The following FOXP1 variants were observed in gnomAD, a reference collection of about 807,000 sequenced individuals.
The protein encoded by FOXP1 is forkhead box protein P1.
In FOXP1, 15 loss-of-function variants were observed where a neutral mutation model predicts 98.2. The observed-to-expected ratio is 0.15, with a 90% confidence interval of 0.10 to 0.24. The LOEUF (loss-of-function observed/expected upper bound fraction) is 0.24. Among genes scored for constraint, FOXP1 ranks in the 10% least tolerant of loss-of-function variants. The pLI, the probability that FOXP1 is intolerant of heterozygous loss-of-function variation, is 1.00. For synonymous variants in FOXP1, 371 were observed against 314.5 expected (o/e 1.18, Z -1.90); for missense variants, 633 against 848.5 (o/e 0.75, Z 3.15).
At chr3:71,544,287 T>C (rs1159952971) in intron 2 of FOXP1, among the ~76,000 whole-genome samples, 1 of 151,304 alleles carries the variant, frequency 6.6e-6, no homozygotes, top group Non-Finnish European at 1.5e-5. Flanking sequence ...TAATAATTTA[T>C]ATCATCTATA....
intron 7 of FOXP1, among the ~76,000 whole-genome samples, chr3:71,073,995 A>C (rs2053541740): frequency 6.6e-6 from 1 of 152,206 alleles, no homozygotes; most frequent in Non-Finnish European, 1.5e-5. Flanking sequence ...ACCAATCACA[A>C]ACTGGGAAGC....
chr3:71,321,460 C>T (rs900317785), intron 4 of FOXP1, among the ~76,000 whole-genome samples: 6 of 152,064 alleles, frequency 3.9e-5, no homozygotes, highest in Non-Finnish European at 8.8e-5. Context: ...CTTCTGGAAA[C>T]GTGAGATGGC....
Position 71,003,596 on chromosome 3 carries a change from T to C in FOXP1, c.975-2537A>G, listed in dbSNP as rs558765689. Among the ~76,000 whole-genome samples the C allele has an allele frequency of 3.9e-5, 6 of 152,242 alleles. 1 individual carries two copies. The South Asian group carries it at 1.2e-3, about 32-fold the overall frequency. On this transcript the variant is annotated intron_variant, in intron 12 of 20. Coordinates refer to ENST00000649528, the MANE Select transcript of FOXP1 (RefSeq NM_001349338.3). ...TATTTTATACTGCAAAGATGTTCCCTTTTTCTGCACATTTATAACTAATCT... is the reference window on the plus strand; with the variant it reads ...TATTTTATACTGCAAAGATGTTCCCCTTTTCTGCACATTTATAACTAATCT...
chr3:71,198,424 GA>G lies in FOXP1; in HGVS notation c.-11-33del, dbSNP rs753851345. 6.5e-5 allele frequency: 32 copies of G among 494,528 alleles called. 3 individuals carry two copies. Among genetic ancestry groups the G allele is most frequent in the Non-Finnish European group, 8.7e-5 (22 of 251,552 alleles). 30.6% of individuals were successfully genotyped at this position (494,528 alleles called of 1,614,324 possible). A position where few individuals can be genotyped will look rare whatever the true frequency, so the allele number is the denominator to read the frequency against. On this transcript the variant is annotated intron_variant, in intron 5 of 20. Transcript: ENST00000649528. Reference sequence around the variant, plus strand: ...CAAGGATTTCCAAGATGGGGGGAGGGAGGGGGGGAGAAAAAAAAAGCAGCTG... The same window carrying G: ...CAAGGATTTCCAAGATGGGGGGAGGGGGGGGGGAGAAAAAAAAAGCAGCTG...
At chr3:71,562,100 G>A (rs1054469787) in intron 2 of FOXP1, among the ~76,000 whole-genome samples, 1 of 152,120 alleles carries the variant, frequency 6.6e-6, no homozygotes, top group African/African-American at 2.4e-5. Context: ...TCTCAGTCTT[G>A]GGCTTCTATC....
chr3:71,518,307 AC>A (rs1173184339), intron 2 of FOXP1, among the ~76,000 whole-genome samples: 4 of 152,192 alleles, frequency 2.6e-5, no homozygotes, highest in African/African-American at 9.7e-5. Flanking sequence ...ACAGAATTCT[AC>A]AGATGAGAAA....
At chr3:71,336,672 T>C (rs1353602908) in intron 4 of FOXP1, among the ~76,000 whole-genome samples, 3 of 152,224 alleles carry the variant, frequency 2.0e-5, no homozygotes, top group African/African-American at 4.8e-5. Context: ...AGCTAGTAAG[T>C]AGAATTAGAA....
chr3:71,018,286 C>G (rs184613382), intron 11 of FOXP1, among the ~76,000 whole-genome samples: 2 of 152,298 alleles, frequency 1.3e-5, no homozygotes, highest in East Asian at 3.9e-4. Context: ...TAACGACACA[C>G]TAGGGCCTTA....
intron 3 of FOXP1, among the ~76,000 whole-genome samples, chr3:71,414,282 A>G (rs1031188434): frequency 9.8e-5 from 15 of 152,316 alleles, no homozygotes; most frequent in African/African-American, 3.4e-4. Context: ...AATCCACCGC[A>G]TCAGGTTCCC....
intron 1 of FOXP1, among the ~76,000 whole-genome samples, chr3:71,583,082 C>A (rs1432769891): frequency 6.6e-6 from 1 of 151,728 alleles, no homozygotes; most frequent in African/African-American, 2.4e-5. Context: ...GCACCGGCCC[C>A]GCGCCCGGGC....
intron 14 of FOXP1, among the ~76,000 whole-genome samples, chr3:70,984,527 A>G (rs2039410976): frequency 6.6e-6 from 1 of 152,144 alleles, no homozygotes; most frequent in Non-Finnish European, 1.5e-5. Context: ...CAGACTCTGA[A>G]CACCTCCATG....
intron 6 of FOXP1, among the ~76,000 whole-genome samples, chr3:71,190,829 T>C (rs1404731555): frequency 6.6e-6 from 1 of 152,122 alleles, no homozygotes; most frequent in African/African-American, 2.4e-5. Context: ...TGTGGCTCTA[T>C]TTTTATGAAT....
At chr3:71,157,190 T>C (rs1023143892) in intron 6 of FOXP1, among the ~76,000 whole-genome samples, 6 of 152,120 alleles carry the variant, frequency 3.9e-5, no homozygotes, top group Non-Finnish European at 7.4e-5. Flanking sequence ...CAAACAGGTA[T>C]AGATTTTCAA....
intron 5 of FOXP1, among the ~76,000 whole-genome samples, chr3:71,265,811 A>G (rs1335593218): frequency 6.6e-6 from 1 of 152,184 alleles, no homozygotes; most frequent in East Asian, 1.9e-4. Context: ...CAATCACCCA[A>G]AGACAAACCT....
At position 71,518,122 on chromosome 3, in the gene FOXP1, G is replaced by GT. The variant is rs201435436; in HGVS notation, c.-297-24568dup. Among the ~76,000 whole-genome samples, 342 of 150,940 alleles carry GT rather than the reference G, an allele frequency of 2.3e-3. 1 individual carries two copies. Among genetic ancestry groups the GT allele is most frequent in the African/African-American group, 7.1e-3 (290 of 41,104 alleles). On this transcript the variant is annotated intron_variant, in intron 2 of 20. Coordinates refer to ENST00000649528, the MANE Select transcript of FOXP1 (RefSeq NM_001349338.3). ...AAAATCTTGCTGGACATTTGACAGT[G>GT]TTTTTTTTTGTTTTTTGTTTTTTGT...
chr3:71,096,978 C>T (rs138048417), intron 7 of FOXP1, among the ~76,000 whole-genome samples: 9 of 152,178 alleles, frequency 5.9e-5, no homozygotes, highest in South Asian at 2.1e-4. Context: ...GGCACCTCTG[C>T]GCAAATGAAA....
At chr3:71,321,709 C>T (rs984453671) in intron 4 of FOXP1, among the ~76,000 whole-genome samples, 4 of 151,850 alleles carry the variant, frequency 2.6e-5, no homozygotes, top group Non-Finnish European at 4.4e-5. Flanking sequence ...GCAACCTCTG[C>T]CTCCCAGGTT....
intron 2 of FOXP1, among the ~76,000 whole-genome samples, chr3:71,519,928 T>C (rs1160375432): frequency 6.6e-6 from 1 of 152,236 alleles, no homozygotes; most frequent in Non-Finnish European, 1.5e-5. Context: ...AGGGGCCATG[T>C]TAAGTGAGGC....
chr3:71,513,347 G>A (rs1014041648), intron 2 of FOXP1, among the ~76,000 whole-genome samples: 3 of 151,986 alleles, frequency 2.0e-5, no homozygotes, highest in African/African-American at 7.3e-5. Flanking sequence ...ATACTGACTC[G>A]TGTCTTTCTC....
Sources: gnomAD v4.1 joint callset for allele counts (sites outside exome capture counted in the v4.1 genomes callset) on GRCh38, gnomAD v4.1.1 for gene constraint, MANE v1.5 for transcripts, NCBI Gene and HGNC (gene_info 2026-07-23, HGNC 2026-07-21) for gene names.